Variants in RBKS observed in about 807,000 individuals in gnomAD.
RBKS encodes ribokinase.
RBKS carries 33 observed loss-of-function variants against 33.9 expected under a neutral mutation model. That is an observed-to-expected ratio of 0.97 (90% CI 0.74 to 1.30). The LOEUF is 1.30. Among genes scored for constraint, RBKS ranks in the 50% most tolerant of loss-of-function variants. RBKS has a pLI of 0.00. For synonymous variants in RBKS, 125 were observed against 143.0 expected (o/e 0.87, Z 0.90); for missense variants, 361 against 392.6 (o/e 0.92, Z 0.68).
At chr2:27,832,897 C>G (rs1012595823) in intron 5 of RBKS, 120 bp from the exon 6 acceptor site, 4 of 689,038 alleles carry the variant, frequency 5.8e-6, no homozygotes, top group Non-Finnish European at 1.1e-5. Flanking sequence ...GGTTAAATAT[C>G]CACTTAGTTA....
chr2:27,827,774 A>C lies in RBKS; in HGVS notation c.607-19T>G, dbSNP rs1678342564. On this transcript the variant is annotated intron_variant, in intron 6 of 7. Coordinates refer to ENST00000302188, the MANE Select transcript of RBKS (RefSeq NM_022128.3). ...TCTCAGCCTAGAATACACAAAAGTC[A>C]ACAGAAACAGTGGTGAAAATAAGTA... 1 of 1,546,120 alleles carries C rather than the reference A, an allele frequency of 6.5e-7. No homozygotes were observed. Among genetic ancestry groups the C allele is most frequent in the East Asian group, 2.4e-5 (1 of 42,516 alleles).
intron 7 of RBKS, among the ~76,000 whole-genome samples, chr2:27,787,862 ATG>A (rs995746165): frequency 1.6e-4 from 24 of 152,100 alleles, no homozygotes; most frequent in Non-Finnish European, 8.8e-5. Flanking sequence ...AAATAAATAT[ATG>A]TGTGTGTATA....
intron 1 of RBKS, among the ~76,000 whole-genome samples, chr2:27,886,545 C>G (rs887138696): frequency 1.3e-5 from 2 of 152,010 alleles, no homozygotes; most frequent in Non-Finnish European, 2.9e-5. Context: ...GCAATAAACA[C>G]TAGTCAGAGT....
intron 7 of RBKS, among the ~76,000 whole-genome samples, chr2:27,789,951 A>ATATATATATATATGTATATGTG (rs1677485613): frequency 1.8e-5 from 2 of 111,400 alleles, no homozygotes; most frequent in Non-Finnish European, 3.8e-5. Context: ...GTATATGTGT[A>ATATATATATATATGTATATGTG]TATATATATA....
intron 5 of RBKS, 72 bp from the exon 6 acceptor site, chr2:27,832,849 A>G (rs1048032670): frequency 2.0e-6 from 2 of 982,188 alleles, no homozygotes; most frequent in Non-Finnish European, 3.3e-6. Context: ...GACAACATTC[A>G]GTAGGGAAAA....
At chr2:27,842,863 G>A (rs563341249) in intron 5 of RBKS, among the ~76,000 whole-genome samples, 2 of 151,946 alleles carry the variant, frequency 1.3e-5, no homozygotes, top group African/African-American at 2.4e-5. Context: ...GCGGGATATC[G>A]GAAATGCTAC....
chr2:27,781,497 AAG>A lies in RBKS; in HGVS notation c.*116_*117del. 1 of 767,592 alleles carries A rather than the reference AAG, an allele frequency of 1.3e-6. No individual in the cohort carries two copies. Among genetic ancestry groups the A allele is most frequent in the Non-Finnish European group, 2.1e-6 (1 of 487,600 alleles). 47.5% of individuals were successfully genotyped at this position (767,592 alleles called of 1,614,324 possible). On this transcript the variant is annotated 3_prime_UTR_variant, in exon 8 of 8. Transcript: ENST00000302188. Reference sequence around the variant, plus strand: ...TTGAAGCTTGAGGATGACTTCGTAAAAGAACTAATATTTGCAAAGAAAGGGGA... The same window carrying A: ...TTGAAGCTTGAGGATGACTTCGTAAAAACTAATATTTGCAAAGAAAGGGGA...
At chr2:27,852,392 G>A (rs1029080620) in intron 2 of RBKS, among the ~76,000 whole-genome samples, 1 of 152,292 alleles carries the variant, frequency 6.6e-6, no homozygotes, top group Middle Eastern at 3.4e-3. Context: ...CAAAAGGGCT[G>A]GGTGTATGAG....
intron 2 of RBKS, among the ~76,000 whole-genome samples, chr2:27,856,473 C>A (rs1288279142): frequency 6.6e-6 from 1 of 152,200 alleles, no homozygotes; most frequent in Non-Finnish European, 1.5e-5. Context: ...GGATTCATTT[C>A]CCACGTTCAG....
chr2:27,872,090 A>G (rs529001781), intron 1 of RBKS, among the ~76,000 whole-genome samples: 3 of 152,346 alleles, frequency 2.0e-5, no homozygotes, highest in African/African-American at 7.2e-5. Flanking sequence ...CTGTAAATAC[A>G]GATGAAGCTT....
chr2:27,805,388 A>C (rs1046739843), intron 7 of RBKS, among the ~76,000 whole-genome samples: 3 of 152,028 alleles, frequency 2.0e-5, no homozygotes, highest in Non-Finnish European at 4.4e-5. Context: ...AGGTCCAGAC[A>C]CCCCTGCACA....
At chr2:27,873,823 GAAAC>G (rs1290337977) in intron 1 of RBKS, among the ~76,000 whole-genome samples, 1 of 139,954 alleles carries the variant, frequency 7.1e-6, no homozygotes, top group Non-Finnish European at 1.5e-5. Context: ...ATGTATCTGG[GAAAC>G]AAACAAAAAA....
chr2:27,792,961 G>A (rs763652114), intron 7 of RBKS, among the ~76,000 whole-genome samples: 1 of 152,170 alleles, frequency 6.6e-6, no homozygotes. Flanking sequence ...TGTTGGCCTT[G>A]CTATAGAGTG....
chr2:27,805,520 C>T (rs563344617), intron 7 of RBKS, among the ~76,000 whole-genome samples: 6 of 152,150 alleles, frequency 3.9e-5, no homozygotes, highest in Middle Eastern at 3.2e-3. Flanking sequence ...CCAGCTTTCC[C>T]GGGTCCTTGT....
At chr2:27,803,585 G>A (rs1677839215) in intron 7 of RBKS, among the ~76,000 whole-genome samples, 1 of 151,948 alleles carries the variant, frequency 6.6e-6, no homozygotes, top group South Asian at 2.1e-4. Flanking sequence ...GCCTGCTTGG[G>A]AGGCAGAGGT....
chr2:27,878,780 A>G (rs1664366386), intron 1 of RBKS, among the ~76,000 whole-genome samples: 1 of 152,174 alleles, frequency 6.6e-6, no homozygotes, highest in Admixed American at 6.5e-5. Flanking sequence ...TCTGATGGCC[A>G]GTGATGATGA....
chr2:27,787,555 T>C (rs1199258930), intron 7 of RBKS, among the ~76,000 whole-genome samples: 1 of 152,200 alleles, frequency 6.6e-6, no homozygotes, highest in East Asian at 1.9e-4. Context: ...CCACTGTGCC[T>C]GGCCTACACA....
chr2:27,841,157 C>G (rs531824757), intron 5 of RBKS, among the ~76,000 whole-genome samples: 2 of 152,070 alleles, frequency 1.3e-5, no homozygotes, highest in African/African-American at 4.8e-5. Context: ...CTTTCTGGAC[C>G]CCACCCAATG....
intron 1 of RBKS, among the ~76,000 whole-genome samples, chr2:27,874,815 A>T (rs1227095497): frequency 2.0e-5 from 3 of 152,220 alleles, no homozygotes; most frequent in Admixed American, 2.0e-4. Flanking sequence ...AGGCTGGTTT[A>T]ACTGACTCTA....
Sources: allele counts gnomAD v4.1 joint callset (sites outside exome capture counted in the v4.1 genomes callset), GRCh38; gene constraint gnomAD v4.1.1; transcripts MANE v1.5; gene names NCBI Gene and HGNC (gene_info 2026-07-23, HGNC 2026-07-21).